CCDC43: variants seen among roughly 807,000 people sequenced by gnomAD.
CCDC43 encodes coiled-coil domain-containing protein 43.
CCDC43 carries 20 observed loss-of-function variants against 33.3 expected under a neutral mutation model. The observed-to-expected ratio is 0.60, with a 90% confidence interval of 0.42 to 0.87. CCDC43 has a LOEUF of 0.87. CCDC43 is among the 40% of genes least tolerant of loss of function. The probability of loss-of-function intolerance (pLI) is 0.00; values close to 1 mark genes in which losing one functional copy is unlikely to be tolerated. For missense variants in CCDC43, 248 were observed against 269.9 expected (o/e 0.92, Z 0.57); for synonymous variants, 104 against 106.5 (o/e 0.98, Z 0.14).
intron 2 of CCDC43, among the ~76,000 whole-genome samples, chr17:44,682,692 C>T (rs1972180349): frequency 6.6e-6 from 1 of 152,048 alleles, no homozygotes; most frequent in South Asian, 2.1e-4. Context: ...CCCGTCTCTA[C>T]TAAAAATACA....
chr17:44,679,004 G>A lies in CCDC43; in HGVS notation c.527C>T (p.Ala176Val). ...RNTNVEDVLN[A>V]RKLERDSLRD... The stretch of plus-strand genomic sequence containing the variant: ...AAGTGAGTCTCGCTCCAGTTTTCGG[G>A]CATTAAGGACATCTTCCACATTGGT... The change falls in exon 5 of 5, where the codon GCC becomes GTC. Residue 176 changes from alanine (A) to valine (V), a missense_variant. Physicochemically the swap from Ala to Val is moderately conservative, Grantham distance 64 (BLOSUM62 0). Coordinates refer to ENST00000315286, the MANE Select transcript of CCDC43 (RefSeq NM_144609.3). The A allele has an allele frequency of 6.2e-7, 1 of 1,613,628 alleles. No individual in the cohort carries two copies. The highest frequency in any genetic ancestry group is 8.5e-7 in the Non-Finnish European group (1 of 1,179,814).
chr17:44,684,127 G>C (rs1183943575), intron 1 of CCDC43, among the ~76,000 whole-genome samples, 168 bp from the exon 2 acceptor site: 1 of 152,140 alleles, frequency 6.6e-6, no homozygotes, highest in African/African-American at 2.4e-5. Context: ...ACACAGAATT[G>C]ATCCTGCTTG....
intron 3 of CCDC43, 108 bp downstream of exon 3, chr17:44,681,895 A>G (rs1972168811): frequency 7.3e-7 from 1 of 1,363,406 alleles, no homozygotes; most frequent in African/African-American, 1.4e-5. Context: ...TTAGAGGGGA[A>G]AATTAAGCTA....
chr17:44,688,053 C>G (rs565182487), intron 1 of CCDC43: 6 of 152,278 alleles, frequency 3.9e-5, no homozygotes, highest in Admixed American at 1.3e-4. Context: ...CACTTGTTTC[C>G]GCTTTCACAA....
chr17:44,684,417 G>A (rs1972205834), intron 1 of CCDC43, among the ~76,000 whole-genome samples: 1 of 152,012 alleles, frequency 6.6e-6, no homozygotes, highest in Non-Finnish European at 1.5e-5. Flanking sequence ...AACATTTAAG[G>A]CTGGGTGCAG....
chr17:44,689,698 C>T lies in CCDC43; in HGVS notation c.56G>A (p.Gly19Asp). Reference protein sequence around the residue: ...AIAPGEGDGGGGGFGSWLDGR... With the variant: ...AIAPGEGDGGDGGFGSWLDGR... The stretch of plus-strand genomic sequence containing the variant: ...GTCCAGCCAGGAGCCAAAGCCGCCG[C>T]CTCCGCCATCGCCTTCGCCAGGGGC... The change falls in exon 1 of 5, where the codon GGC becomes GAC. Residue 19 changes from glycine to aspartate, a missense_variant. Transcript: ENST00000315286. The T allele has an allele frequency of 6.2e-7, 1 of 1,605,414 alleles. No individual in the cohort carries two copies.
At position 44,679,066 on chromosome 17, in the gene CCDC43, GGGTACA is replaced by G. The variant is rs1972119337; in HGVS notation, c.488-29_488-24del. The G allele has an allele frequency of 1.9e-6, 3 of 1,601,892 alleles. No homozygotes were observed. The South Asian group carries it at 3.3e-5, about 18-fold the overall frequency. ...GAACTACAGGTGAGTTAAGGGATTA[GGGTACA>G]GGTCACACAGATCACACCTACTGCT... On this transcript the variant is annotated intron_variant, in intron 4 of 4. Transcript: ENST00000315286.
At chr17:44,679,120 C>T in intron 4 of CCDC43, 77 bp from the exon 5 acceptor site, 1 of 1,124,434 alleles carries the variant, frequency 8.9e-7, no homozygotes, top group Non-Finnish European at 1.3e-6. Context: ...TCTACTTATC[C>T]TCTCTCCACC....
At chr17:44,686,633 A>G (rs1261268542) in intron 1 of CCDC43, among the ~76,000 whole-genome samples, 1 of 152,198 alleles carries the variant, frequency 6.6e-6, no homozygotes, top group African/African-American at 2.4e-5. Flanking sequence ...GGTGCCTGCT[A>G]TGTTCAAGGC....
intron 3 of CCDC43, 182 bp downstream of exon 3, chr17:44,681,821 G>T: frequency 1.5e-6 from 1 of 654,226 alleles, no homozygotes; most frequent in Non-Finnish European, 2.6e-6. Context: ...AAAAATATAA[G>T]TCCAGTATCA....
Position 44,689,645 on chromosome 17 carries a change from G to C in CCDC43, c.109C>G (p.Arg37Gly), listed in dbSNP as rs944985712. 5 of 1,613,840 alleles carry C rather than the reference G, an allele frequency of 3.1e-6. No individual in the cohort carries two copies. The highest frequency in any genetic ancestry group is 1.7e-5 in the Admixed American group (1 of 59,980). Residue 37 changes from arginine to glycine, a missense_variant, in exon 1 of 5, where the codon CGA becomes GGA. By Grantham distance (125) the Arg-to-Gly change is moderately radical. Transcript: ENST00000315286. ...AAGATGTAGGCTCCATAAACGGCTC[G>C]GTCCACTCCCAGTGCCTCCAACCGT... ...DGRLEALGVD[R>G]AVYGAYILGI...
intron 3 of CCDC43, chr17:44,681,707 GA>G: frequency 3.0e-6 from 1 of 333,872 alleles, no homozygotes; most frequent in Non-Finnish European, 5.6e-6. Context: ...CAAATATAAA[GA>G]ATTACAGCTA....
Position 44,689,547 on chromosome 17 carries a change from C to G in CCDC43, c.204+3G>C. ...GCTGAAGGAATGTGTCCAGGCTACTCACCAGGAAAGCAGAGAGGATCCCCT... is the reference window on the plus strand; with the variant it reads ...GCTGAAGGAATGTGTCCAGGCTACTGACCAGGAAAGCAGAGAGGATCCCCT... On this transcript the variant is annotated splice_donor_region_variant and intron_variant, in intron 1 of 4. Coordinates refer to ENST00000315286, the MANE Select transcript of CCDC43 (RefSeq NM_144609.3). 1 of 1,613,960 alleles carries G rather than the reference C, an allele frequency of 6.2e-7. No individual in the cohort carries two copies.
chr17:44,689,499 A>G, intron 1 of CCDC43, 51 bp downstream of exon 1: 1 of 1,611,252 alleles, frequency 6.2e-7, no homozygotes, highest in Non-Finnish European at 8.5e-7. Context: ...AAGTACTGAC[A>G]GGTCCTCAGA....
Position 44,689,757 on chromosome 17 carries a change from G to A in CCDC43, c.-4C>T, listed in dbSNP as rs113179032. ...CCACTTCGCTGGGCGCCGCCATCTTGGGGTCAGGGTCCTGCAAGCCCCTAG... is the reference window on the plus strand; with the variant it reads ...CCACTTCGCTGGGCGCCGCCATCTTAGGGTCAGGGTCCTGCAAGCCCCTAG... On this transcript the variant is annotated 5_prime_UTR_variant, in exon 1 of 5. Coordinates refer to ENST00000315286, the MANE Select transcript of CCDC43 (RefSeq NM_144609.3). 6.0e-4 allele frequency: 934 copies of A among 1,549,742 alleles called. 6 individuals are homozygous for A. In the African/African-American group the frequency reaches 0.011, roughly 18 times the overall value.
chr17:44,681,106 T>C (rs550600773), intron 3 of CCDC43, among the ~76,000 whole-genome samples: 1 of 152,036 alleles, frequency 6.6e-6, no homozygotes, highest in Non-Finnish European at 1.5e-5. Context: ...ACCGGAACCA[T>C]AGCTCTGCCA....
chr17:44,680,225 C>A (rs375334903), intron 4 of CCDC43, among the ~76,000 whole-genome samples: 2 of 152,074 alleles, frequency 1.3e-5, no homozygotes, highest in African/African-American at 4.8e-5. Context: ...TGGGCTCAAA[C>A]GATCCACCTG....
At chr17:44,687,519 G>C (rs1005354269) in intron 1 of CCDC43, 1 of 152,072 alleles carries the variant, frequency 6.6e-6, no homozygotes, top group East Asian at 1.9e-4. Flanking sequence ...AGCTACTTGG[G>C]AGGCTGATGA....
intron 1 of CCDC43, 50 bp downstream of exon 1, chr17:44,689,499 AG>A: frequency 6.2e-7 from 1 of 1,611,252 alleles, no homozygotes; most frequent in East Asian, 2.2e-5. Flanking sequence ...AAGTACTGAC[AG>A]GTCCTCAGAT....
Sources: gnomAD v4.1 joint callset for allele counts (sites outside exome capture counted in the v4.1 genomes callset) on GRCh38, gnomAD v4.1.1 for gene constraint, MANE v1.5 for transcripts, NCBI Gene and HGNC (gene_info 2026-07-23, HGNC 2026-07-21) for gene names.